FOXP2: variants seen among roughly 807,000 people sequenced by gnomAD.
FOXP2 encodes the protein forkhead box P2, also known as forkhead box protein P2.
A neutral mutation model predicts 115.8 loss-of-function variants in FOXP2; 12 were observed. That is an observed-to-expected ratio of 0.10 (90% CI 0.07 to 0.17). The LOEUF (loss-of-function observed/expected upper bound fraction) is 0.17, where lower values mean the gene tolerates loss of function less well. Ranked by LOEUF, FOXP2 falls within the 10% of genes least tolerant of loss-of-function variation. The pLI is 1.00. For synonymous variants in FOXP2, 328 were observed against 297.7 expected, an observed-to-expected ratio of 1.10 and a Z score of -1.05; for missense variants, 629 against 843.5, an observed-to-expected ratio of 0.75 and a Z score of 3.15.
chr7:114,446,943 T>A (rs1444074967), intron 2 of FOXP2, among the ~76,000 whole-genome samples: 1 of 151,598 alleles, frequency 6.6e-6, no homozygotes, highest in Non-Finnish European at 1.5e-5. Context: ...AGAGACAGGG[T>A]TTCACCATGT....
chr7:114,322,596 T>G (rs940105056), intron 2 of FOXP2, among the ~76,000 whole-genome samples: 2 of 152,152 alleles, frequency 1.3e-5, no homozygotes, highest in African/African-American at 4.8e-5. Flanking sequence ...AGACATTTTT[T>G]TCAATTTTGC....
intron 2 of FOXP2, among the ~76,000 whole-genome samples, chr7:114,322,814 A>G (rs1351844765): frequency 6.6e-6 from 1 of 152,150 alleles, no homozygotes; most frequent in Non-Finnish European, 1.5e-5. Flanking sequence ...TGTATACCAA[A>G]TTGATTTTGT....
At chr7:114,621,779 C>T (rs1804270247) in intron 3 of FOXP2, among the ~76,000 whole-genome samples, 1 of 151,958 alleles carries the variant, frequency 6.6e-6, no homozygotes. Context: ...AATCAGTGTA[C>T]CCAGCGGCAG....
chr7:114,508,248 A>G (rs778151992), intron 2 of FOXP2, among the ~76,000 whole-genome samples: 5 of 152,002 alleles, frequency 3.3e-5, no homozygotes, highest in Non-Finnish European at 7.4e-5. Flanking sequence ...AAAGATGAGT[A>G]GGTTTGAGAA....
At chr7:114,510,302 C>G (rs1798009494) in intron 2 of FOXP2, among the ~76,000 whole-genome samples, 1 of 152,062 alleles carries the variant, frequency 6.6e-6, no homozygotes, top group Admixed American at 6.6e-5. Flanking sequence ...ATTCTCTCTT[C>G]ATAGTTAAAT....
intron 1 of FOXP2, among the ~76,000 whole-genome samples, chr7:114,088,687 T>C (rs1423067755): frequency 1.3e-5 from 2 of 152,370 alleles, no homozygotes; most frequent in East Asian, 1.9e-4. Flanking sequence ...AAGTTTGCAT[T>C]GTGGCATACC....
chr7:114,311,942 G>T (rs1411009983), intron 2 of FOXP2, among the ~76,000 whole-genome samples: 10 of 152,100 alleles, frequency 6.6e-5, no homozygotes, highest in Non-Finnish European at 1.5e-4. Flanking sequence ...AGTTCTTAGT[G>T]CCTCCTGACA....
chr7:114,412,719 T>C (rs1190026996), upstream of FOXP2, among the ~76,000 whole-genome samples: 5 of 152,144 alleles, frequency 3.3e-5, no homozygotes, highest in East Asian at 7.7e-4. Context: ...CCTACAGAGA[T>C]GGGCTCTTGA....
chr7:114,557,870 C>T (rs972033017), intron 3 of FOXP2, among the ~76,000 whole-genome samples: 1 of 151,820 alleles, frequency 6.6e-6, no homozygotes, highest in African/African-American at 2.4e-5. Flanking sequence ...TGTGCAGTGG[C>T]CCGATCTCAG....
intron 2 of FOXP2, among the ~76,000 whole-genome samples, chr7:114,530,282 G>A (rs1228889866): frequency 1.3e-5 from 2 of 151,896 alleles, no homozygotes; most frequent in African/African-American, 2.4e-5. Context: ...TCTCAGAGAT[G>A]AATATCAACA....
At chr7:114,186,504 T>C (rs993618521) in intron 1 of FOXP2, among the ~76,000 whole-genome samples, 1 of 147,560 alleles carries the variant, frequency 6.8e-6, no homozygotes, top group African/African-American at 2.4e-5. Flanking sequence ...CCAAATACAC[T>C]GGGGTGGGAA....
At chr7:114,408,242 C>G (rs570798320) in intron 2 of FOXP2, among the ~76,000 whole-genome samples, 1 of 152,220 alleles carries the variant, frequency 6.6e-6, no homozygotes, top group Admixed American at 6.5e-5. Context: ...TGGGCTACCA[C>G]AGTTTAAAAT....
At chr7:114,509,114 T>C (rs1367697760) in intron 2 of FOXP2, among the ~76,000 whole-genome samples, 8 of 152,040 alleles carry the variant, frequency 5.3e-5, no homozygotes, top group Non-Finnish European at 1.0e-4. Flanking sequence ...CCAGTGTGTC[T>C]GGAGCAGAGT....
At chr7:114,156,109 C>G (rs1792660700) in intron 1 of FOXP2, among the ~76,000 whole-genome samples, 2 of 152,102 alleles carry the variant, frequency 1.3e-5, no homozygotes, top group African/African-American at 4.8e-5. Context: ...TCTTAATGCA[C>G]ATGCTTCCTC....
At chr7:114,250,960 G>A (rs1241239123) in intron 1 of FOXP2, among the ~76,000 whole-genome samples, 1 of 152,130 alleles carries the variant, frequency 6.6e-6, no homozygotes, top group Non-Finnish European at 1.5e-5. Flanking sequence ...AATCCATCTT[G>A]AATGAATTTT....
intron 3 of FOXP2, among the ~76,000 whole-genome samples, chr7:114,627,864 A>G (rs922184931): frequency 3.3e-5 from 5 of 152,116 alleles, no homozygotes; most frequent in Admixed American, 3.3e-4. Context: ...CTAGAATACT[A>G]GTTATATGAG....
At chr7:114,372,327 G>A (rs1792032736) in intron 2 of FOXP2, among the ~76,000 whole-genome samples, 2 of 152,014 alleles carry the variant, frequency 1.3e-5, no homozygotes, top group Admixed American at 1.3e-4. Context: ...AATGGGAACA[G>A]TTTTTTCATA....
At chr7:114,247,245 G>T (rs533436933) in intron 1 of FOXP2, among the ~76,000 whole-genome samples, 12 of 152,192 alleles carry the variant, frequency 7.9e-5, no homozygotes, top group African/African-American at 2.9e-4. Context: ...ATATATTCCA[G>T]AAATTTGCAA....
At chr7:114,566,635 C>T (rs184708510) in intron 3 of FOXP2, among the ~76,000 whole-genome samples, 1 of 152,082 alleles carries the variant, frequency 6.6e-6, no homozygotes, top group Admixed American at 6.6e-5. Flanking sequence ...AACTATGAGC[C>T]AAATAAACCT....
Sources: gnomAD v4.1 joint callset for allele counts (sites outside exome capture counted in the v4.1 genomes callset) on GRCh38, gnomAD v4.1.1 for gene constraint, MANE v1.5 for transcripts, NCBI Gene and HGNC (gene_info 2026-07-23, HGNC 2026-07-21) for gene names.